PTK2: variants seen among roughly 807,000 people sequenced by gnomAD.
The protein encoded by PTK2 is protein tyrosine kinase 2, also known as focal adhesion kinase 1.
Under a neutral mutation model 150.1 loss-of-function variants are expected in PTK2, and 45 were observed. That is an observed-to-expected ratio of 0.30 (90% confidence interval 0.24 to 0.38). The LOEUF (loss-of-function observed/expected upper bound fraction) is 0.38. Among genes scored for constraint, PTK2 ranks in the 10% least tolerant of loss-of-function variants. PTK2 has a pLI of 1.00. For synonymous variants in PTK2, 432 were observed against 449.2 expected (o/e 0.96, Z 0.48); for missense variants, 919 against 1,307.3 (o/e 0.70, Z 4.58).
At chr8:140,671,356 G>T (rs1182733062) in intron 29 of PTK2, among the ~76,000 whole-genome samples, 1 of 152,104 alleles carries the variant, frequency 6.6e-6, no homozygotes, top group Non-Finnish European at 1.5e-5. Context: ...TGAGCAGCTG[G>T]AATTATAGGG....
At chr8:140,998,072 G>A (rs2100198482) in intron 1 of PTK2, among the ~76,000 whole-genome samples, 1 of 152,192 alleles carries the variant, frequency 6.6e-6, no homozygotes. Flanking sequence ...AACAGACCAA[G>A]ATATGCCTAT....
chr8:140,876,677 G>T (rs796851626), intron 4 of PTK2, among the ~76,000 whole-genome samples: 4 of 151,968 alleles, frequency 2.6e-5, no homozygotes, highest in Admixed American at 2.6e-4. Flanking sequence ...GAAATGGGTT[G>T]ACATCATTCT....
At chr8:140,895,194 T>C (rs1050412921) in intron 2 of PTK2, among the ~76,000 whole-genome samples, 5 of 152,076 alleles carry the variant, frequency 3.3e-5, no homozygotes, top group African/African-American at 1.2e-4. Context: ...AAAAGAAATA[T>C]CAAAACTGTG....
At chr8:140,658,404 T>C (rs1338712879) in exon 32 of PTK2, 1 of 182,334 alleles carries the variant, frequency 5.5e-6, no homozygotes, top group African/African-American at 2.4e-5. Flanking sequence ...ACAAGAACTT[T>C]ACTGGTAACA....
chr8:140,858,383 C>T (rs1177078771), intron 5 of PTK2, among the ~76,000 whole-genome samples: 5 of 149,928 alleles, frequency 3.3e-5, no homozygotes, highest in African/African-American at 1.2e-4. Flanking sequence ...ACGACATGAC[C>T]CCCTAGAGGT....
At chr8:140,912,245 T>C (rs145163426) in intron 2 of PTK2, among the ~76,000 whole-genome samples, 3 of 143,368 alleles carry the variant, frequency 2.1e-5, no homozygotes, top group East Asian at 4.0e-4. Flanking sequence ...TCTGTCTCTA[T>C]AAAAGAAAAA....
intron 8 of PTK2, chr8:140,820,596 TTTC>T (rs1374854642): frequency 1.3e-5 from 2 of 151,086 alleles, no homozygotes; most frequent in African/African-American, 4.9e-5. Flanking sequence ...TTTTTTTTTT[TTTC>T]CAGAGTAACT....
intron 9 of PTK2, among the ~76,000 whole-genome samples, chr8:140,818,647 A>C (rs2154601726): frequency 1.3e-5 from 2 of 152,352 alleles, no homozygotes; most frequent in South Asian, 4.1e-4. Context: ...CACAGGGATA[A>C]AATTTTAAAA....
chr8:140,947,879 A>T (rs1043612742), intron 1 of PTK2, among the ~76,000 whole-genome samples: 4 of 151,990 alleles, frequency 2.6e-5, no homozygotes, highest in South Asian at 2.1e-4. Context: ...CTCGGACAAA[A>T]AATAATAATA....
At chr8:140,692,396 C>A (rs1691140175) in intron 26 of PTK2, among the ~76,000 whole-genome samples, 1 of 152,164 alleles carries the variant, frequency 6.6e-6, no homozygotes, top group Non-Finnish European at 1.5e-5. Context: ...GTGGGTGGAT[C>A]ACCTGAGGTC....
chr8:140,941,398 C>G (rs538157777), intron 1 of PTK2, among the ~76,000 whole-genome samples: 1 of 152,262 alleles, frequency 6.6e-6, no homozygotes, highest in African/African-American at 2.4e-5. Context: ...GACAGTGTCT[C>G]AAGACACAGA....
chr8:140,857,243 C>A (rs1053699457), intron 5 of PTK2, among the ~76,000 whole-genome samples: 2 of 152,148 alleles, frequency 1.3e-5, no homozygotes, highest in African/African-American at 4.8e-5. Context: ...TCTGTCATCC[C>A]TTTGCACTTA....
At chr8:140,809,292 G>A (rs547849440) in intron 10 of PTK2, among the ~76,000 whole-genome samples, 1 of 152,194 alleles carries the variant, frequency 6.6e-6, no homozygotes, top group South Asian at 2.1e-4. Context: ...CACTAAACTT[G>A]TCCTTCAAAA....
intron 2 of PTK2, among the ~76,000 whole-genome samples, chr8:140,922,024 A>G (rs1568948560): frequency 7.8e-6 from 1 of 127,716 alleles, no homozygotes. Context: ...TAATTTTGTT[A>G]GTAGTACATT....
chr8:140,924,432 AGGAAATTCT>A (rs1165724334), intron 2 of PTK2, among the ~76,000 whole-genome samples: 2 of 152,226 alleles, frequency 1.3e-5, no homozygotes, highest in Non-Finnish European at 2.9e-5. Flanking sequence ...CCGTGACAGA[AGGAAATTCT>A]GTCTGTTCTG....
chr8:140,744,523 G>C, intron 19 of PTK2, 129 bp downstream of exon 22: 1 of 477,634 alleles, frequency 2.1e-6, no homozygotes, highest in Non-Finnish European at 3.8e-6. Flanking sequence ...CAATTTTGTA[G>C]AATTGGTACA....
At chr8:140,947,843 G>A (rs1303416173) in intron 1 of PTK2, among the ~76,000 whole-genome samples, 2 of 152,040 alleles carry the variant, frequency 1.3e-5, no homozygotes, top group Non-Finnish European at 2.9e-5. Context: ...CTGACTAGTT[G>A]TGCCCAGGCT....
intron 1 of PTK2, among the ~76,000 whole-genome samples, chr8:140,973,096 T>C (rs957754500): frequency 6.6e-6 from 1 of 152,238 alleles, no homozygotes; most frequent in African/African-American, 2.4e-5. Context: ...ACATATCTTA[T>C]ATCTAGGAGC....
intron 5 of PTK2, among the ~76,000 whole-genome samples, chr8:140,848,933 A>G (rs2100127360): frequency 6.6e-6 from 1 of 152,206 alleles, no homozygotes; most frequent in Non-Finnish European, 1.5e-5. Context: ...TTAATCTTGA[A>G]GATTAATTGC....
Sources: gnomAD v4.1 joint callset for allele counts (sites outside exome capture counted in the v4.1 genomes callset) on GRCh38, gnomAD v4.1.1 for gene constraint, MANE v1.5 for transcripts, NCBI Gene and HGNC (gene_info 2026-07-23, HGNC 2026-07-21) for gene names.